GALNT13: variants seen among roughly 807,000 people sequenced by gnomAD.
GALNT13 encodes the protein UDP-GalNAc:polypeptide N-acetylgalactosaminyltransferase 13.
In GALNT13, 28 loss-of-function variants were observed where a neutral mutation model predicts 64.2. The ratio of observed to expected loss-of-function variants is 0.44; its 90% confidence interval spans 0.32 to 0.60. The LOEUF is 0.60. Ranked by LOEUF, GALNT13 falls within the 20% of genes least tolerant of loss-of-function variation. GALNT13 has a pLI of 0.05. For missense variants in GALNT13, 577 were observed against 669.8 expected (o/e 0.86, Z 1.53); for synonymous variants, 214 against 224.6 (o/e 0.95, Z 0.42).
At chr2:153,578,904 A>C in the GALNT13 span, among the ~76,000 whole-genome samples, 18 of 152,220 alleles carry the variant, frequency 1.2e-4, no homozygotes, top group Non-Finnish European at 2.4e-4. Context: ...CCATAAAAAA[A>C]CCATAAATGC....
At chr2:153,602,047 A>G in the GALNT13 span, among the ~76,000 whole-genome samples, 10 of 152,020 alleles carry the variant, frequency 6.6e-5, no homozygotes, top group African/African-American at 1.9e-4. Context: ...CTTATCTGTG[A>G]TACCGCATAA....
At chr2:153,987,566 TAATG>T (rs1694882504) in intron 3 of GALNT13, among the ~76,000 whole-genome samples, 1 of 151,920 alleles carries the variant, frequency 6.6e-6, no homozygotes, top group South Asian at 2.1e-4. Flanking sequence ...ATGTTTATTG[TAATG>T]AATTTGGGCA....
At chr2:153,868,618 T>C (rs1343878365), upstream of GALNT13, among the ~76,000 whole-genome samples, 3 of 152,214 alleles carry the variant, frequency 2.0e-5, no homozygotes. Context: ...TCTCACCCTT[T>C]ATTTCCCTTT....
At chr2:153,447,058 G>A in the GALNT13 span, among the ~76,000 whole-genome samples, 1 of 152,080 alleles carries the variant, frequency 6.6e-6, no homozygotes, top group Admixed American at 6.6e-5. Context: ...GAATATCTTG[G>A]CTTCAGATTA....
At chr2:154,181,364 C>A (rs1685948441) in intron 4 of GALNT13, among the ~76,000 whole-genome samples, 1 of 152,058 alleles carries the variant, frequency 6.6e-6, no homozygotes. Context: ...CTCAGCCTTG[C>A]TACCAATGAG....
chr2:153,610,947 G>A, the GALNT13 span, among the ~76,000 whole-genome samples: 4 of 152,192 alleles, frequency 2.6e-5, no homozygotes, highest in East Asian at 7.7e-4. Context: ...AAGAAGCACA[G>A]TATTAAAATA....
chr2:154,225,183 TAG>T, intron 4 of GALNT13, among the ~76,000 whole-genome samples: 1 of 151,614 alleles, frequency 6.6e-6, no homozygotes, highest in Non-Finnish European at 1.5e-5. Context: ...GATAGATAGA[TAG>T]ATAGATAGAT....
At chr2:153,800,622 C>T in the GALNT13 span, among the ~76,000 whole-genome samples, 7 of 152,212 alleles carry the variant, frequency 4.6e-5, no homozygotes, top group South Asian at 4.1e-4. Context: ...TAATATTATA[C>T]GTCATTTGTT....
At chr2:153,821,853 AAGAG>A in the GALNT13 span, among the ~76,000 whole-genome samples, 2 of 152,198 alleles carry the variant, frequency 1.3e-5, no homozygotes, top group South Asian at 2.1e-4. Flanking sequence ...AACCATGAAA[AAGAG>A]AGAGAAAATT....
At chr2:153,333,308 C>T in the GALNT13 span, among the ~76,000 whole-genome samples, 16 of 152,196 alleles carry the variant, frequency 1.1e-4, no homozygotes, top group Non-Finnish European at 1.9e-4. Flanking sequence ...GGCCTGGGCC[C>T]TTGGATCCCA....
At chr2:153,103,709 G>T in the GALNT13 span, among the ~76,000 whole-genome samples, 3 of 152,086 alleles carry the variant, frequency 2.0e-5, no homozygotes, top group Non-Finnish European at 4.4e-5. Context: ...TCTATACATT[G>T]TCTGTCTCTC....
intron 7 of GALNT13, among the ~76,000 whole-genome samples, chr2:154,250,904 A>G (rs1370581288): frequency 2.0e-5 from 3 of 152,110 alleles, no homozygotes; most frequent in East Asian, 3.8e-4. Context: ...TGTGAGCAGA[A>G]CAAAGACTGA....
the GALNT13 span, among the ~76,000 whole-genome samples, chr2:153,183,964 T>C: frequency 1.3e-5 from 2 of 152,190 alleles, no homozygotes; most frequent in East Asian, 3.9e-4. Flanking sequence ...GCTCTTTTTT[T>C]GTTTCATATG....
At chr2:154,261,766 T>G (rs1690709341) in intron 8 of GALNT13, among the ~76,000 whole-genome samples, 1 of 152,102 alleles carries the variant, frequency 6.6e-6, no homozygotes, top group African/African-American at 2.4e-5. Flanking sequence ...CTTTATAAAT[T>G]TATGTGTGAG....
intron 10 of GALNT13, among the ~76,000 whole-genome samples, chr2:154,397,365 G>C (rs536880191): frequency 6.6e-6 from 1 of 152,294 alleles, no homozygotes; most frequent in African/African-American, 2.4e-5. Context: ...TGTGCACCCA[G>C]GAGGTGGAGC....
At chr2:154,305,265 T>C (rs1448623960) in intron 9 of GALNT13, among the ~76,000 whole-genome samples, 2 of 152,072 alleles carry the variant, frequency 1.3e-5, no homozygotes, top group Non-Finnish European at 1.5e-5. Context: ...TTCATCACTT[T>C]GGGAATGGGT....
At position 154,395,125 on chromosome 2, in the gene GALNT13, A is replaced by G. The variant is rs75594488; in HGVS notation, c.1157-866A>G. On this transcript the variant is annotated intron_variant, in intron 9 of 12. Transcript: ENST00000392825. ...GTTGCATAGTGGCCTTAAAGAAGAAAGTTAAACATTGAAATATTTTCAGAA... is the reference window on the plus strand; with the variant it reads ...GTTGCATAGTGGCCTTAAAGAAGAAGGTTAAACATTGAAATATTTTCAGAA... 3.8e-4 allele frequency among the ~76,000 whole-genome samples: 58 copies of G among 152,282 alleles called. No homozygotes were observed. In the East Asian group the frequency reaches 8.5e-3, roughly 22 times the overall value.
At chr2:154,218,822 A>G (rs1688179952) in intron 4 of GALNT13, among the ~76,000 whole-genome samples, 1 of 151,970 alleles carries the variant, frequency 6.6e-6, no homozygotes, top group African/African-American at 2.4e-5. Context: ...TTTGTGAACA[A>G]TTGTCTGTTG....
At chr2:153,428,090 T>G in the GALNT13 span, among the ~76,000 whole-genome samples, 1 of 152,198 alleles carries the variant, frequency 6.6e-6, no homozygotes, top group Non-Finnish European at 1.5e-5. Context: ...GCAGTGTTGC[T>G]TCCAAACAGG....
Sources: allele counts gnomAD v4.1 joint callset (sites outside exome capture counted in the v4.1 genomes callset), GRCh38; gene constraint gnomAD v4.1.1; transcripts MANE v1.5; gene names NCBI Gene and HGNC (gene_info 2026-07-23, HGNC 2026-07-21).